EPHB1: variants seen among roughly 807,000 people sequenced by gnomAD.
The protein encoded by EPHB1 is ephrin type-B receptor 1.
A neutral mutation model predicts 94.4 loss-of-function variants in EPHB1; 30 were observed. The ratio of observed to expected loss-of-function variants is 0.32; its 90% CI spans 0.24 to 0.43. The LOEUF (loss-of-function observed/expected upper bound fraction) is 0.43, where lower values mean the gene tolerates loss of function less well. EPHB1 is among the 20% of genes least tolerant of loss of function. EPHB1 has a pLI of 1.00. For synonymous variants in EPHB1, 522 were observed against 489.1 expected, an observed-to-expected ratio of 1.07 and a Z score of -0.89; for missense variants, 1,055 against 1,308.3, an observed-to-expected ratio of 0.81 and a Z score of 2.99.
At chr3:135,088,622 A>G (rs1938444093) in intron 3 of EPHB1, among the ~76,000 whole-genome samples, 1 of 152,272 alleles carries the variant, frequency 6.6e-6, no homozygotes, top group Admixed American at 6.5e-5. Context: ...CTTGAGTTCC[A>G]ACCATCATGT....
intron 15 of EPHB1, among the ~76,000 whole-genome samples, chr3:135,250,894 G>A (rs1426582940): frequency 6.6e-6 from 1 of 152,036 alleles, no homozygotes; most frequent in East Asian, 1.9e-4. Flanking sequence ...CAAGGTGCTG[G>A]GATTCCCTCC....
intron 1 of EPHB1, among the ~76,000 whole-genome samples, chr3:134,817,043 G>A (rs1445494479): frequency 6.6e-6 from 1 of 152,106 alleles, no homozygotes; most frequent in African/African-American, 2.4e-5. Context: ...GAGGAACAGG[G>A]ACTAGGGTAA....
At chr3:134,921,260 C>A (rs1043538879) in intron 1 of EPHB1, among the ~76,000 whole-genome samples, 1 of 152,134 alleles carries the variant, frequency 6.6e-6, no homozygotes, top group African/African-American at 2.4e-5. Flanking sequence ...GTCACTCTCC[C>A]GTCTCTGTCC....
chr3:135,079,795 C>T (rs150457560), intron 3 of EPHB1, among the ~76,000 whole-genome samples: 8 of 152,262 alleles, frequency 5.3e-5, no homozygotes, highest in Admixed American at 2.0e-4. Context: ...AATCCAGAGA[C>T]GTGGCTCTCT....
chr3:135,201,820 G>T, intron 12 of EPHB1, 131 bp downstream of exon 12: 1 of 869,154 alleles, frequency 1.2e-6, no homozygotes, highest in Non-Finnish European at 1.8e-6. Context: ...GAAAGACCAA[G>T]ATGCCAGGAG....
At chr3:134,949,551 A>T (rs762892431) in intron 2 of EPHB1, among the ~76,000 whole-genome samples, 6 of 152,172 alleles carry the variant, frequency 3.9e-5, no homozygotes, top group Non-Finnish European at 7.3e-5. Context: ...ATGCACACAT[A>T]ATTGGCTTTT....
At chr3:134,972,055 CT>C (rs1690946128) in intron 3 of EPHB1, among the ~76,000 whole-genome samples, 1 of 152,088 alleles carries the variant, frequency 6.6e-6, no homozygotes, top group African/African-American at 2.4e-5. Context: ...GCTGAGATGT[CT>C]TCCTTAAGTG....
chr3:135,157,520 A>T (rs1941388803), intron 6 of EPHB1, among the ~76,000 whole-genome samples: 1 of 152,216 alleles, frequency 6.6e-6, no homozygotes, highest in Non-Finnish European at 1.5e-5. Flanking sequence ...ATTAACAGAC[A>T]CACATACACA....
intron 9 of EPHB1, among the ~76,000 whole-genome samples, chr3:135,173,285 C>G (rs578074730): frequency 2.1e-3 from 319 of 152,198 alleles, no homozygotes; most frequent in African/African-American, 7.2e-3. Context: ...CCGCCCGCCT[C>G]GGCCTCCCAA....
At chr3:135,197,529 G>GCTC (rs1553747453) in intron 11 of EPHB1, among the ~76,000 whole-genome samples, 5 of 152,166 alleles carry the variant, frequency 3.3e-5, no homozygotes, top group African/African-American at 1.2e-4. Context: ...CTTTCAGTTA[G>GCTC]AAAAAATCTA....
At chr3:135,226,396 T>C (rs1943401955) in intron 12 of EPHB1, among the ~76,000 whole-genome samples, 1 of 152,346 alleles carries the variant, frequency 6.6e-6, no homozygotes, top group Admixed American at 6.5e-5. Context: ...GTGGAATGAA[T>C]TAAGAAATTC....
At chr3:134,893,493 A>C (rs1415144087) in intron 1 of EPHB1, among the ~76,000 whole-genome samples, 1 of 151,456 alleles carries the variant, frequency 6.6e-6, no homozygotes, top group Non-Finnish European at 1.5e-5. Context: ...TCTCCCTCCC[A>C]CACCCCCTAC....
intron 1 of EPHB1, among the ~76,000 whole-genome samples, chr3:134,903,206 G>T (rs2038240365): frequency 6.6e-6 from 1 of 152,236 alleles, no homozygotes; most frequent in African/African-American, 2.4e-5. Flanking sequence ...GTGGCTCCGT[G>T]CCAAGCTGGG....
intron 3 of EPHB1, among the ~76,000 whole-genome samples, chr3:135,088,743 C>A (rs1458323254): frequency 1.3e-5 from 2 of 152,134 alleles, no homozygotes; most frequent in African/African-American, 4.8e-5. Flanking sequence ...GTGATTCAAG[C>A]CAATACTCAT....
chr3:135,093,221 G>A (rs1467450366), intron 3 of EPHB1, among the ~76,000 whole-genome samples: 2 of 152,144 alleles, frequency 1.3e-5, no homozygotes, highest in Non-Finnish European at 2.9e-5. Flanking sequence ...GTGAGGAGGT[G>A]GAGTTGGGGA....
chr3:134,888,612 G>A (rs2037904716), intron 1 of EPHB1, among the ~76,000 whole-genome samples: 1 of 151,520 alleles, frequency 6.6e-6, no homozygotes, highest in African/African-American at 2.4e-5. Context: ...GGAGGCTGAG[G>A]CAGGAGAATC....
At chr3:134,836,749 G>A (rs1180432094) in intron 1 of EPHB1, among the ~76,000 whole-genome samples, 2 of 152,166 alleles carry the variant, frequency 1.3e-5, no homozygotes, top group Non-Finnish European at 2.9e-5. Flanking sequence ...ATGTAATCAA[G>A]ATAGGAAACT....
intron 1 of EPHB1, among the ~76,000 whole-genome samples, chr3:134,844,650 G>T (rs909228336): frequency 6.6e-6 from 1 of 152,190 alleles, no homozygotes; most frequent in African/African-American, 2.4e-5. Context: ...AGAGCTCAGG[G>T]GAGGGTGAGG....
chr3:135,034,021 A>T (rs191629341), intron 3 of EPHB1, among the ~76,000 whole-genome samples: 1 of 152,168 alleles, frequency 6.6e-6, no homozygotes, highest in East Asian at 1.9e-4. Context: ...AACATTCATT[A>T]TTCAGAATTT....
Sources: allele counts gnomAD v4.1 joint callset (sites outside exome capture counted in the v4.1 genomes callset), GRCh38; gene constraint gnomAD v4.1.1; transcripts MANE v1.5; gene names NCBI Gene and HGNC (gene_info 2026-07-23, HGNC 2026-07-21).